Variants in PMM1 observed in about 807,000 individuals in gnomAD.
PMM1 encodes brain glucose-1,6-bisphosphatase.
A neutral mutation model predicts 34.0 loss-of-function variants in PMM1; 25 were observed. That is an observed-to-expected ratio of 0.73 (90% CI 0.54 to 1.03). The LOEUF (loss-of-function observed/expected upper bound fraction) is 1.03. Among genes scored for constraint, PMM1 ranks in the 50% least tolerant of loss-of-function variants. PMM1 has a pLI of 0.00. For synonymous variants in PMM1, 134 were observed against 143.9 expected (o/e 0.93, Z 0.49); for missense variants, 321 against 350.1 (o/e 0.92, Z 0.66).
rs570443354 is a variant in PMM1, at chr22:41,588,581, C to T, written c.87+1138G>A. 3 of 880,770 alleles carry T rather than the reference C, an allele frequency of 3.4e-6. No homozygotes were observed. In the African/African-American group the frequency reaches 5.4e-5, roughly 16 times the overall value. 54.6% of individuals were successfully genotyped at this position (880,770 alleles called of 1,614,324 possible). A position where few individuals can be genotyped will look rare whatever the true frequency, so the allele number is the denominator to read the frequency against. ...TGTTAGCCAGACTGATCTAGAATTC[C>T]TGACCTCAGGTGATCTGCCCACCAT... On this transcript the variant is annotated intron_variant, in intron 1 of 7. Transcript: ENST00000216259.
intron 1 of PMM1, 128 bp from the exon 2 acceptor site, chr22:41,586,321 T>TA: frequency 6.6e-7 from 1 of 1,509,334 alleles, no homozygotes; most frequent in South Asian, 1.3e-5. Context: ...GTACAAAGCT[T>TA]AGACACCAAA....
intron 5 of PMM1, among the ~76,000 whole-genome samples, chr22:41,581,635 C>G (rs1354400532): frequency 6.6e-6 from 1 of 151,944 alleles, no homozygotes; most frequent in African/African-American, 2.4e-5. Flanking sequence ...GGGTGGATTG[C>G]CTGAGCTCAG....
At position 41,577,345 on chromosome 22, in the gene PMM1, G is replaced by A. The variant is rs753783503; in HGVS notation, c.762C>T (p.Phe254=). The A allele has an allele frequency of 3.2e-5, 51 of 1,612,894 alleles. No homozygotes were observed. The highest frequency in any genetic ancestry group is 1.0e-4 in the Admixed American group (6 of 60,004). The part of the protein sequence containing the change: ...QDTVQRCREI[F]FPETAHEA ...ACGCCTCATGAGCTGTCTCTGGGAA[G>A]AAAATCTCCCGGCATCGCTGCACCG... The change falls in exon 8 of 8, where the codon TTC becomes TTT. Residue 254 remains phenylalanine, a synonymous_variant. Coordinates refer to ENST00000216259, the MANE Select transcript of PMM1 (RefSeq NM_002676.3).
chr22:41,580,597 G>A (rs1032790107), intron 5 of PMM1: 2 of 152,228 alleles, frequency 1.3e-5, no homozygotes, highest in Non-Finnish European at 2.9e-5. Context: ...CTGGGACTGG[G>A]AACCTGGGTG....
In PMM1 at chr22:41,586,107, C is replaced by A; in HGVS notation, c.174G>T (p.Lys58Asn). Residue 58 changes from lysine to asparagine, a missense_variant, in exon 2 of 8, where the codon AAG becomes AAT. Coordinates refer to ENST00000216259, the MANE Select transcript of PMM1 (RefSeq NM_002676.3). Reference sequence around the variant, plus strand: ...CCCCGTCACCCAGCTGCTCAGCGATCTTACAGTAGTCAGAGCCGCCCACCA... The same window carrying A: ...CCCCGTCACCCAGCTGCTCAGCGATATTACAGTAGTCAGAGCCGCCCACCA... ...IGVVGGSDYC[K>N]IAEQLGDGDE... is the part of the protein sequence containing the mutation. 1 of 1,611,202 alleles carries A rather than the reference C, an allele frequency of 6.2e-7. No homozygotes were observed. The highest frequency in any genetic ancestry group is 8.5e-7 in the Non-Finnish European group (1 of 1,178,864).
intron 6 of PMM1, 126 bp from the exon 7 acceptor site, chr22:41,578,049 C>A: frequency 1.5e-6 from 1 of 671,660 alleles, no homozygotes; most frequent in African/African-American, 1.8e-5. Context: ...GAATAGGACA[C>A]GGGACAGACT....
intron 5 of PMM1, among the ~76,000 whole-genome samples, chr22:41,583,212 G>T (rs1357514598): frequency 1.3e-5 from 2 of 152,178 alleles, no homozygotes; most frequent in Non-Finnish European, 2.9e-5. Flanking sequence ...GTGCGTGGTG[G>T]CTCATGCCTG....
chr22:41,581,394 G>A (rs915600304), intron 5 of PMM1, among the ~76,000 whole-genome samples: 4 of 152,010 alleles, frequency 2.6e-5, no homozygotes, highest in African/African-American at 7.3e-5. Flanking sequence ...GTGGGAGTCA[G>A]GAGTCACTGA....
At chr22:41,578,776 C>T in intron 6 of PMM1, 30 bp downstream of exon 6, 1 of 1,598,204 alleles carries the variant, frequency 6.3e-7, no homozygotes, top group Non-Finnish European at 8.6e-7. Flanking sequence ...CTGTACCAGG[C>T]CTCCCAGGTC....
At chr22:41,578,257 CGGA>C (rs995362088) in intron 6 of PMM1, among the ~76,000 whole-genome samples, 1 of 151,986 alleles carries the variant, frequency 6.6e-6, no homozygotes, top group African/African-American at 2.4e-5. Context: ...GTCCCAGCAA[CGGA>C]GGAGGCCAGG....
In PMM1 at chr22:41,577,369, C is replaced by G; in HGVS notation, c.738G>C (p.Thr246=). 6.2e-7 allele frequency: 1 copy of G among 1,613,004 alleles called. No homozygotes were observed. Among genetic ancestry groups the G allele is most frequent in the South Asian group, 1.1e-5 (1 of 91,076 alleles). The change falls in exon 8 of 8, where the codon ACG becomes ACC. Residue 246 remains threonine (T), a synonymous_variant. Coordinates refer to ENST00000216259, the MANE Select transcript of PMM1 (RefSeq NM_002676.3). ...AGAAAATCTCCCGGCATCGCTGCACCGTGTCCTGAGGAGACACCACGCTGT... is the reference window on the plus strand; with the variant it reads ...AGAAAATCTCCCGGCATCGCTGCACGGTGTCCTGAGGAGACACCACGCTGT... The part of the protein sequence containing the change: ...VGHSVVSPQD[T]VQRCREIFFP...
At chr22:41,582,197 C>G (rs976137277) in intron 5 of PMM1, among the ~76,000 whole-genome samples, 2 of 151,804 alleles carry the variant, frequency 1.3e-5, no homozygotes, top group African/African-American at 2.4e-5. Context: ...GTGGCTCACA[C>G]CTACAGTCTT....
At chr22:41,589,272 T>G (rs568319365) in intron 1 of PMM1, 34 of 485,914 alleles carry the variant, frequency 7.0e-5, no homozygotes, top group Middle Eastern at 6.9e-4. Flanking sequence ...TCCCACCAGA[T>G]GATGACTGAC....
intron 5 of PMM1, among the ~76,000 whole-genome samples, chr22:41,582,314 C>T (rs1200741449): frequency 2.0e-5 from 3 of 152,002 alleles, no homozygotes; most frequent in African/African-American, 7.3e-5. Flanking sequence ...TAAAAATTAG[C>T]CTGGCATGGT....
Position 41,579,008 on chromosome 22 carries a change from G to A in PMM1, c.475-127C>T, listed in dbSNP as rs113000246. On this transcript the variant is annotated intron_variant, in intron 5 of 7. Transcript: ENST00000216259. The stretch of plus-strand genomic sequence containing the variant: ...GTAGGACCCCCAACTGTGCAGATGC[G>A]CAAACTAAGGCTCAGAGAGGGGTTG... The A allele has an allele frequency of 5.6e-4, 405 of 723,160 alleles. 3 individuals carry two copies. Among genetic ancestry groups the A allele is most frequent in the African/African-American group, 5.6e-3 (320 of 57,172 alleles). The allele number at this position is 723,160 out of a possible 1,614,324, so 44.8% of individuals were successfully genotyped here. A position where few individuals can be genotyped will look rare whatever the true frequency, so the allele number is the denominator to read the frequency against.
rs1009253942 is a variant in PMM1, at chr22:41,583,368, GC to G, written c.474+590del. ...GTAGTGGTGCATGCCTGTAATTCCA[GC>G]TACTTGGGAGGCTGAGGCAGGAGAA... On this transcript the variant is annotated intron_variant, in intron 5 of 7. Coordinates refer to ENST00000216259, the MANE Select transcript of PMM1 (RefSeq NM_002676.3). 4.6e-4 allele frequency among the ~76,000 whole-genome samples: 70 copies of G among 152,294 alleles called. 1 individual carries two copies. The highest frequency in any genetic ancestry group is 3.1e-3 in the South Asian group (15 of 4,824).
intron 2 of PMM1, 30 bp from the exon 3 acceptor site, chr22:41,584,633 GA>G (rs759675345): frequency 1.3e-6 from 2 of 1,556,722 alleles, no homozygotes; most frequent in African/African-American, 2.7e-5. Context: ...ACAGGAGGAA[GA>G]AAGAGTGTGA....
At chr22:41,583,240 G>A (rs1245583335) in intron 5 of PMM1, among the ~76,000 whole-genome samples, 3 of 152,198 alleles carry the variant, frequency 2.0e-5, no homozygotes, top group Non-Finnish European at 4.4e-5. Context: ...AGAACTTTGG[G>A]AGGCCGAGGC....
Position 41,584,220 on chromosome 22 carries a change from G to A in PMM1, c.374+61C>T, listed in dbSNP as rs2067281228. 7 of 1,486,840 alleles carry A rather than the reference G, an allele frequency of 4.7e-6. No individual in the cohort carries two copies. In the East Asian group the frequency reaches 1.1e-4, roughly 24 times the overall value. 92.1% of individuals were successfully genotyped at this position (1,486,840 alleles called of 1,614,324 possible). A position where few individuals can be genotyped will look rare whatever the true frequency, so the allele number is the denominator to read the frequency against. ...CAAGTATCTCCAGGTTCCCTCTGAG[G>A]GACCCACACTTCTCCTCCCTCAGGC... On this transcript the variant is annotated intron_variant, in intron 4 of 7. Transcript: ENST00000216259.
Sources: gnomAD v4.1 joint callset for allele counts (sites outside exome capture counted in the v4.1 genomes callset) on GRCh38, gnomAD v4.1.1 for gene constraint, MANE v1.5 for transcripts, NCBI Gene and HGNC (gene_info 2026-07-23, HGNC 2026-07-21) for gene names.